NALCN: variants seen among roughly 807,000 people sequenced by gnomAD.
The protein encoded by NALCN is sodium leak channel, non-selective, also known as sodium leak channel NALCN.
Under a neutral mutation model 225.3 loss-of-function variants are expected in NALCN, and 111 were observed. The observed-to-expected ratio is 0.49, with a 90% CI of 0.42 to 0.58. The LOEUF (loss-of-function observed/expected upper bound fraction) is 0.58, where lower values mean the gene tolerates loss of function less well. Ranked by LOEUF, NALCN falls within the 20% of genes least tolerant of loss-of-function variation. The pLI, the probability that NALCN is intolerant of heterozygous loss-of-function variation, is 0.00. For synonymous variants in NALCN, 764 were observed against 769.0 expected (o/e 0.99, Z 0.11); for missense variants, 1,378 against 2,202.4 (o/e 0.63, Z 7.49).
chr13:101,288,483 T>A (rs1425853830), intron 9 of NALCN, among the ~76,000 whole-genome samples: 1 of 152,200 alleles, frequency 6.6e-6, no homozygotes, highest in African/African-American at 2.4e-5. Context: ...TATGCACAAG[T>A]TGCTTTAGGC....
At chr13:101,364,877 T>C (rs558354157) in intron 6 of NALCN, among the ~76,000 whole-genome samples, 9 of 152,104 alleles carry the variant, frequency 5.9e-5, no homozygotes, top group African/African-American at 1.9e-4. Flanking sequence ...TCAATAAACA[T>C]ATGTAAATAA....
At chr13:101,362,244 T>C (rs1022167131) in intron 6 of NALCN, among the ~76,000 whole-genome samples, 4 of 152,058 alleles carry the variant, frequency 2.6e-5, no homozygotes, top group Non-Finnish European at 5.9e-5. Flanking sequence ...ACATATATTA[T>C]AAACAGTTTA....
chr13:101,085,658 T>C (rs999673917), intron 30 of NALCN, among the ~76,000 whole-genome samples: 2 of 152,160 alleles, frequency 1.3e-5, no homozygotes, highest in African/African-American at 4.8e-5. Flanking sequence ...TATCACACTG[T>C]ACCCGATAAA....
At chr13:101,208,399 A>G (rs1432156860) in intron 13 of NALCN, among the ~76,000 whole-genome samples, 2 of 152,226 alleles carry the variant, frequency 1.3e-5, no homozygotes, top group African/African-American at 2.4e-5. Flanking sequence ...TGTAACACTC[A>G]CCGCAAGGGT....
intron 1 of NALCN, among the ~76,000 whole-genome samples, chr13:101,408,391 A>G (rs999539965): frequency 4.6e-5 from 7 of 152,116 alleles, no homozygotes; most frequent in African/African-American, 1.7e-4. Context: ...GCTCAGAGGA[A>G]AGGCAGCAGC....
At chr13:101,208,302 G>A (rs528719681) in intron 13 of NALCN, among the ~76,000 whole-genome samples, 103 of 152,134 alleles carry the variant, frequency 6.8e-4, no homozygotes, top group African/African-American at 2.4e-3. Flanking sequence ...TGAGGCCAGC[G>A]AGACCAGGAA....
intron 15 of NALCN, among the ~76,000 whole-genome samples, chr13:101,149,731 C>T (rs1285258960): frequency 6.6e-6 from 1 of 152,178 alleles, no homozygotes; most frequent in African/African-American, 2.4e-5. Flanking sequence ...TGAGCGGCTG[C>T]TTGAAGGGTG....
chr13:101,074,710 GA>G, intron 35 of NALCN, 48 bp from the exon 36 acceptor site: 1 of 1,433,002 alleles, frequency 7.0e-7, no homozygotes. Flanking sequence ...GAGAGAGAGA[GA>G]GACAGAGACA....
intron 13 of NALCN, among the ~76,000 whole-genome samples, chr13:101,211,582 A>G (rs1428269948): frequency 6.6e-6 from 1 of 151,938 alleles, no homozygotes; most frequent in African/African-American, 2.4e-5. Flanking sequence ...CCCTAATGTT[A>G]TAGTAGAAAG....
At chr13:101,206,429 G>T (rs2040313613) in intron 13 of NALCN, among the ~76,000 whole-genome samples, 1 of 151,774 alleles carries the variant, frequency 6.6e-6, no homozygotes, top group Admixed American at 6.6e-5. Flanking sequence ...ACACTTAATT[G>T]AAATTATTTT....
intron 13 of NALCN, among the ~76,000 whole-genome samples, chr13:101,200,856 T>C (rs573142717): frequency 6.6e-6 from 1 of 152,288 alleles, no homozygotes; most frequent in Admixed American, 6.5e-5. Context: ...TTAAAAAATA[T>C]CATGGATGAC....
At chr13:101,112,434 T>C (rs2035492561) in intron 18 of NALCN, among the ~76,000 whole-genome samples, 1 of 152,204 alleles carries the variant, frequency 6.6e-6, no homozygotes, top group Non-Finnish European at 1.5e-5. Context: ...AAAATTATTC[T>C]CCAGAAAATT....
intron 3 of NALCN, among the ~76,000 whole-genome samples, chr13:101,380,899 T>C (rs1294428701): frequency 2.2e-5 from 3 of 138,290 alleles, no homozygotes; most frequent in African/African-American, 9.0e-5. Flanking sequence ...CACACCACCA[T>C]CACCACCACC....
chr13:101,070,063 G>GTTTTTTTTT lies in NALCN; in HGVS notation c.4198-1245_4198-1237dup, dbSNP rs71121162. ...TGACCTCCTTCCATGAATCATGAAT[G>GTTTTTTTTT]TTTTTTTTTTTTTTTTTTTTTGAGA... On this transcript the variant is annotated intron_variant, in intron 37 of 43. Coordinates refer to ENST00000251127, the MANE Select transcript of NALCN (RefSeq NM_052867.4). Among the ~76,000 whole-genome samples the GTTTTTTTTT allele has an allele frequency of 5.3e-3, 520 of 98,204 alleles. 39 individuals carry two copies. The highest frequency in any genetic ancestry group is 6.3e-3 in the Non-Finnish European group (342 of 54,114). 64.4% of individuals were successfully genotyped at this position (98,204 alleles called of 152,430 possible). A position where few individuals can be genotyped will look rare whatever the true frequency, so the allele number is the denominator to read the frequency against.
intron 18 of NALCN, among the ~76,000 whole-genome samples, chr13:101,124,090 C>T (rs1008352549): frequency 2.6e-5 from 4 of 152,148 alleles, no homozygotes; most frequent in Admixed American, 2.6e-4. Flanking sequence ...ACACTCAAGT[C>T]GGTTGCTTAG....
rs2037186159 is a variant in NALCN at position 101,143,297 on chromosome 13, T to A, written c.1977-76A>T. Reference sequence around the variant, plus strand: ...AGTGACAGCATTTTGCAATGATGAGTTTGCTTGAGCAAAGATAAAGCAGTG... The same window carrying A: ...AGTGACAGCATTTTGCAATGATGAGATTGCTTGAGCAAAGATAAAGCAGTG... On this transcript the variant is annotated intron_variant, in intron 16 of 43. Transcript: ENST00000251127. 3 of 1,448,870 alleles carry A rather than the reference T, an allele frequency of 2.1e-6. No homozygotes were observed. The East Asian group carries it at 6.9e-5, about 33-fold the overall frequency. 89.8% of individuals were successfully genotyped at this position (1,448,870 alleles called of 1,614,324 possible). A position where few individuals can be genotyped will look rare whatever the true frequency, so the allele number is the denominator to read the frequency against.
In NALCN at chr13:101,149,185, A is replaced by C. The variant is rs543721456; in HGVS notation, c.1840-4289T>G. Among the ~76,000 whole-genome samples the C allele has an allele frequency of 4.7e-4, 72 of 151,954 alleles. No homozygotes were observed. In the East Asian group the frequency reaches 9.9e-3, roughly 21 times the overall value. ...GCAGGCGCCTGTAGTCCCAGCTACT[A>C]GGGAGGCTGAGGCAGGAGAATGGCG... On this transcript the variant is annotated intron_variant, in intron 15 of 43. Transcript: ENST00000251127.
intron 37 of NALCN, 124 bp from the exon 38 acceptor site, chr13:101,068,951 T>C: frequency 9.5e-7 from 1 of 1,052,400 alleles, no homozygotes; most frequent in East Asian, 3.0e-5. Flanking sequence ...AAAGTAAGCT[T>C]TCAAAAGCCA....
chr13:101,397,103 T>TATATAC (rs2047325688), intron 2 of NALCN, among the ~76,000 whole-genome samples: 2 of 68,904 alleles, frequency 2.9e-5, no homozygotes, highest in Non-Finnish European at 4.7e-5. Context: ...TATATATATA[T>TATATAC]ATATATACAT....
Sources: allele counts gnomAD v4.1 joint callset (sites outside exome capture counted in the v4.1 genomes callset), GRCh38; gene constraint gnomAD v4.1.1; transcripts MANE v1.5; gene names NCBI Gene and HGNC (gene_info 2026-07-23, HGNC 2026-07-21).